The following SLC13A5 variants were observed in gnomAD, a reference collection of about 807,000 sequenced individuals.
The protein encoded by SLC13A5 is Na(+)/citrate cotransporter.
In SLC13A5, 25 loss-of-function variants were observed where a neutral mutation model predicts 56.5. That is an observed-to-expected ratio of 0.44 (90% confidence interval 0.32 to 0.62). SLC13A5 has a LOEUF of 0.62. Among genes scored for constraint, SLC13A5 ranks in the 20% least tolerant of loss-of-function variants. SLC13A5 has a pLI of 0.04. For missense variants in SLC13A5, 649 were observed against 737.8 expected, an observed-to-expected ratio of 0.88 and a Z score of 1.39; for synonymous variants, 307 against 301.5, an observed-to-expected ratio of 1.02 and a Z score of -0.19.
At chr17:6,706,893 G>C in intron 2 of SLC13A5, 115 bp from the exon 3 acceptor site, 1 of 1,558,260 alleles carries the variant, frequency 6.4e-7, no homozygotes, top group Non-Finnish European at 8.7e-7. Context: ...GGCTCGAGTG[G>C]TGTCTCCCTG....
rs1973716551 is a variant in SLC13A5, at chr17:6,701,661, C to G, written c.717-535G>C. Reference sequence around the variant, plus strand: ...GGAGGCAGAGGTTGCAGTGAGCCAACATCGCGCCACTGCACTCCAGCCTGG... The same window carrying G: ...GGAGGCAGAGGTTGCAGTGAGCCAAGATCGCGCCACTGCACTCCAGCCTGG... On this transcript the variant is annotated intron_variant, in intron 5 of 11. Transcript: ENST00000433363. This position sits in a 1 kb window ranked among gnomAD's most constrained non-coding sequence, Gnocchi z 4.1. 6.6e-6 allele frequency among the ~76,000 whole-genome samples: 1 copy of G among 152,158 alleles called. No homozygotes were observed. The highest frequency in any genetic ancestry group is 6.5e-5 in the Admixed American group (1 of 15,284).
Position 6,706,759 on chromosome 17 carries a change from T to C in SLC13A5, c.251A>G (p.Lys84Arg). The C allele has an allele frequency of 6.2e-7, 1 of 1,614,086 alleles. No individual in the cohort carries two copies. Among genetic ancestry groups the C allele is most frequent in the Non-Finnish European group, 8.5e-7 (1 of 1,179,982 alleles). ...DSRQVCVQYM[K>R]DTNMLFLGGL... is the part of the protein sequence containing the mutation. ...GCCCAGGAACAGCATGTTGGTGTCC[T>C]TCATGTACTGGACACACACCTGGAG... Residue 84 changes from lysine to arginine, a missense_variant, in exon 3 of 12, where the codon AAG becomes AGG. Transcript: ENST00000433363.
rs889382267 is a variant in SLC13A5 at position 6,701,202 on chromosome 17, C to G, written c.717-76G>C. On this transcript the variant is annotated intron_variant, in intron 5 of 11. Transcript: ENST00000433363. The surrounding 1 kb of genome is among the most constrained non-coding windows in gnomAD (Gnocchi z 4.1). Reference sequence around the variant, plus strand: ...CCTGGCCCTGTGCGTGGGGACGGAGCAGCAGCTGGGCCCTGAGAGGCGCGC... The same window carrying G: ...CCTGGCCCTGTGCGTGGGGACGGAGGAGCAGCTGGGCCCTGAGAGGCGCGC... The G allele has an allele frequency of 6.3e-7, 1 of 1,584,742 alleles. No individual in the cohort carries two copies. The highest frequency in any genetic ancestry group is 8.6e-7 in the Non-Finnish European group (1 of 1,164,762).
chr17:6,685,430 G>A lies in SLC13A5; in HGVS notation c.*777C>T, dbSNP rs950703967. ...TGCCAGCCAAGGCGTCTCGGCAAAT[G>A]TTGACCCAGACAACAGGGGACCAAG... On this transcript the variant is annotated 3_prime_UTR_variant, in exon 12 of 12. Transcript: ENST00000433363. The surrounding 1 kb of genome is among the most constrained non-coding windows in gnomAD (Gnocchi z 4.2). The A allele has an allele frequency of 6.6e-6, 1 of 152,296 alleles. No individual in the cohort carries two copies. Among genetic ancestry groups the A allele is most frequent in the Non-Finnish European group, 1.5e-5 (1 of 68,070 alleles). 9.4% of individuals were successfully genotyped at this position (152,296 alleles called of 1,614,324 possible).
Position 6,693,070 on chromosome 17 carries a change from CG to C in SLC13A5, c.1248del (p.Gly417AspfsTer34). The C allele has an allele frequency of 6.2e-7, 1 of 1,614,074 alleles. No homozygotes were observed. Among genetic ancestry groups the C allele is most frequent in the Non-Finnish European group, 8.5e-7 (1 of 1,179,998 alleles). On this transcript the variant is annotated frameshift_variant, in exon 9 of 12. Transcript: ENST00000433363. LOFTEE classifies it high-confidence loss of function. ...TCGGATCCTTTAGCCAGAGCAAATCCGCCCCCTAGTAGCAGCACGATGCCCC... is the reference window on the plus strand; with the variant it reads ...TCGGATCCTTTAGCCAGAGCAAATCCCCCCCTAGTAGCAGCACGATGCCCC... ...VPWGIVLLLG[G>X]GFALAKGSEA...
At chr17:6,710,218 C>T (rs1973984018) in intron 1 of SLC13A5, among the ~76,000 whole-genome samples, 1 of 152,228 alleles carries the variant, frequency 6.6e-6, no homozygotes, top group Non-Finnish European at 1.5e-5. Flanking sequence ...CAGGGGCAGA[C>T]AATGAGAGGG....
intron 3 of SLC13A5, 107 bp downstream of exon 3, chr17:6,706,535 A>G: frequency 6.8e-7 from 1 of 1,469,352 alleles, no homozygotes; most frequent in East Asian, 2.4e-5. Flanking sequence ...AGGTAAGCCC[A>G]TGGCCAGCCC....
At chr17:6,696,419 C>T (rs988874265) in intron 6 of SLC13A5, among the ~76,000 whole-genome samples, 1 of 152,090 alleles carries the variant, frequency 6.6e-6, no homozygotes, top group African/African-American at 2.4e-5. Flanking sequence ...CAGAATGGGT[C>T]CTTGTGTTCC....
intron 1 of SLC13A5, among the ~76,000 whole-genome samples, chr17:6,708,691 G>A (rs1024863220): frequency 1.3e-5 from 2 of 152,224 alleles, no homozygotes; most frequent in African/African-American, 4.8e-5. Flanking sequence ...CCCAGTTACA[G>A]CAGGTCAGGG....
chr17:6,708,993 C>CTTTTCTTT (rs1555543650), intron 1 of SLC13A5, among the ~76,000 whole-genome samples: 2 of 133,036 alleles, frequency 1.5e-5, no homozygotes, highest in Admixed American at 7.6e-5. Context: ...TCTTTTATTT[C>CTTTTCTTT]TTTTTTTTTT....
chr17:6,704,360 T>C lies in SLC13A5; in HGVS notation c.369-304A>G, dbSNP rs544302299. 736 of 503,124 alleles carry C rather than the reference T, an allele frequency of 1.5e-3. 12 individuals carry two copies. Among genetic ancestry groups the C allele is most frequent in the South Asian group, 0.011 (650 of 60,194 alleles). 31.2% of individuals were successfully genotyped at this position (503,124 alleles called of 1,614,324 possible). A position where few individuals can be genotyped will look rare whatever the true frequency, so the allele number is the denominator to read the frequency against. ...CAGTCGTGGTTCTAAGGAGCACCCCTGCCCCACCATCTAGCAGGGGAAGCC... is the reference window on the plus strand; with the variant it reads ...CAGTCGTGGTTCTAAGGAGCACCCCCGCCCCACCATCTAGCAGGGGAAGCC... On this transcript the variant is annotated intron_variant, in intron 3 of 11. Transcript: ENST00000433363.
intron 1 of SLC13A5, among the ~76,000 whole-genome samples, chr17:6,708,993 C>CTTTTTTTTTTTTTTT (rs575087645): frequency 2.3e-5 from 3 of 133,036 alleles, no homozygotes; most frequent in African/African-American, 2.8e-5. Context: ...TCTTTTATTT[C>CTTTTTTTTTTTTTTT]TTTTTTTTTT....
chr17:6,693,070 C>A lies in SLC13A5; in HGVS notation c.1249G>T (p.Gly417Ter). The A allele has an allele frequency of 6.2e-7, 1 of 1,614,074 alleles. No individual in the cohort carries two copies. Among genetic ancestry groups the A allele is most frequent in the Non-Finnish European group, 8.5e-7 (1 of 1,179,998 alleles). ...TCGGATCCTTTAGCCAGAGCAAATC[C>A]GCCCCCTAGTAGCAGCACGATGCCC... ...PWGIVLLLGG[G>*]FALAKGSEAS... Residue 417 changes from glycine to a stop codon, truncating the protein, a stop_gained, in exon 9 of 12, where the codon GGA becomes TGA. Coordinates refer to ENST00000433363, the MANE Select transcript of SLC13A5 (RefSeq NM_177550.5). LOFTEE classifies it high-confidence loss of function.
intron 6 of SLC13A5, among the ~76,000 whole-genome samples, chr17:6,700,554 A>G (rs1021411836): frequency 2.0e-5 from 3 of 152,214 alleles, no homozygotes; most frequent in Admixed American, 6.5e-5. Context: ...GGACCAGCTT[A>G]TCTTTAATTG....
Position 6,703,886 on chromosome 17 carries a change from T to C in SLC13A5, c.539A>G (p.Glu180Gly). The change falls in exon 4 of 12, where the codon GAG becomes GGG. Residue 180 changes from glutamate to glycine, a missense_variant. Transcript: ENST00000433363. ...LELVDKGKAK[E>G]LPGSQVIFEG... ...CCTGGCCAGGGGCTCACCTGGCAGCTCCTTGGCCTTGCCCTTGTCCACCAG... is the reference window on the plus strand; with the variant it reads ...CCTGGCCAGGGGCTCACCTGGCAGCCCCTTGGCCTTGCCCTTGTCCACCAG... The C allele has an allele frequency of 6.5e-7, 1 of 1,550,374 alleles. No homozygotes were observed. Among genetic ancestry groups the C allele is most frequent in the Admixed American group, 1.8e-5 (1 of 54,790 alleles).
intron 4 of SLC13A5, 25 bp downstream of exon 4, chr17:6,703,853 G>A: frequency 6.6e-7 from 1 of 1,511,364 alleles, no homozygotes; most frequent in Non-Finnish European, 8.8e-7. Context: ...GTTGTGGCCT[G>A]GCAGTGCCCT....
chr17:6,702,959 C>G lies in SLC13A5; in HGVS notation c.716+11G>C, dbSNP rs7215596. 3.8e-3 allele frequency: 6,131 copies of G among 1,606,854 alleles called. 191 individuals are homozygous for G. In the African/African-American group the frequency reaches 0.071, roughly 18 times the overall value. ...CTTCGTTGTCCCCAGAAGGTGCGAC[C>G]AAGGACTCACTCGTTCATCTGGCCC... On this transcript the variant is annotated intron_variant, in intron 5 of 11. Transcript: ENST00000433363.
intron 1 of SLC13A5, among the ~76,000 whole-genome samples, chr17:6,712,155 C>T (rs891510245): frequency 2.6e-5 from 4 of 152,202 alleles, no homozygotes; most frequent in African/African-American, 9.6e-5. Context: ...TGGTGGAAGT[C>T]CAGTTCTCTT....
At chr17:6,689,721 G>A (rs1973345030) in intron 10 of SLC13A5, 1 of 152,000 alleles carries the variant, frequency 6.6e-6, no homozygotes, top group Non-Finnish European at 1.5e-5. Flanking sequence ...TCTTCACTTG[G>A]AGGAGAAAAA....
Sources: gnomAD v4.1 joint callset for allele counts (sites outside exome capture counted in the v4.1 genomes callset) on GRCh38, gnomAD v4.1.1 for gene constraint, Gnocchi (gnomAD v3.1) non-coding constraint, MANE v1.5 for transcripts, NCBI Gene and HGNC (gene_info 2026-07-23, HGNC 2026-07-21) for gene names.